Variants in SYCN observed in about 807,000 individuals in gnomAD.
SYCN encodes the protein syncollin.
SYCN carries 16 observed loss-of-function variants against 12.6 expected under a neutral mutation model. The ratio of observed to expected loss-of-function variants is 1.27; its 90% CI spans 0.86 to 1.92. The LOEUF (loss-of-function observed/expected upper bound fraction) is 1.92. Among genes scored for constraint, SYCN ranks in the 30% most tolerant of loss-of-function variants. The pLI is 0.00. For missense variants in SYCN, 226 were observed against 181.8 expected, an observed-to-expected ratio of 1.24 and a Z score of -1.40; for synonymous variants, 97 against 88.4, an observed-to-expected ratio of 1.10 and a Z score of -0.55.
rs1419247210 is a variant in SYCN at position 39,204,040 on chromosome 19, T to A, written c.215A>T (p.Asn72Ile). 1.2e-6 allele frequency: 2 copies of A among 1,612,396 alleles called. No homozygotes were observed. Among genetic ancestry groups the A allele is most frequent in the Non-Finnish European group, 1.7e-6 (2 of 1,179,358 alleles). The change falls in exon 1 of 2, where the codon AAC becomes ATC. Residue 72 changes from asparagine to isoleucine, a missense_variant. Transcript: ENST00000318438. ...AAGTGAGGAGGCGGTGTTGGCCCAG[T>A]TGGAGGGCAGGTAGGGCAGGTCTGC... is the stretch of plus-strand genomic sequence containing the variant. Reference protein sequence around the residue: ...SGADLPYLPSNWANTASSLVV... With the variant: ...SGADLPYLPSIWANTASSLVV...
In SYCN at chr19:39,203,550, G is replaced by A. The variant is rs893198818; in HGVS notation, c.395+310C>T. On this transcript the variant is annotated intron_variant, in intron 1 of 1. Coordinates refer to ENST00000318438, the MANE Select transcript of SYCN (RefSeq NM_001080468.4). ...TACAGCTGTGGGCGGGTGGGTAGGC[G>A]GAAGATTCCAGAAGGTGGAGGGTTG... Among the ~76,000 whole-genome samples, 76 of 152,106 alleles carry A rather than the reference G, an allele frequency of 5.0e-4. No homozygotes were observed. The Middle Eastern group carries it at 0.01, about 20-fold the overall frequency.
chr19:39,203,381 T>C (rs2074796276), intron 1 of SYCN, among the ~76,000 whole-genome samples: 1 of 151,690 alleles, frequency 6.6e-6, no homozygotes, highest in South Asian at 2.1e-4. Flanking sequence ...GTCTGGAGTC[T>C]TGAGGTCTGG....
Position 39,204,220 on chromosome 19 carries a change from G to A in SYCN, c.35C>T (p.Ala12Val). The A allele has an allele frequency of 6.3e-7, 1 of 1,598,970 alleles. No individual in the cohort carries two copies. Among genetic ancestry groups the A allele is most frequent in the Non-Finnish European group, 8.5e-7 (1 of 1,175,018 alleles). The change falls in exon 1 of 2, where the codon GCC becomes GTC. Residue 12 changes from alanine (A) to valine (V), a missense_variant. Ala to Val is a moderately conservative substitution (Grantham distance 64). Coordinates refer to ENST00000318438, the MANE Select transcript of SYCN (RefSeq NM_001080468.4). ...CTGGGCGCAAGGCACGGAGGCAAGG[G>A]CCAGGGCCAGCAGCAGCGGGCGCAG... Reference protein sequence around the residue: ...SPLRPLLLALALASVPCAQGA... With the variant: ...SPLRPLLLALVLASVPCAQGA...
chr19:39,202,945 T>C lies in SYCN; in HGVS notation c.*42A>G, dbSNP rs756172996. Reference sequence around the variant, plus strand: ...CCCAGGGATGGGCTGAGTGAGGGGCTTGGCACTCTGTGGAAGCTGCAGATG... The same window carrying C: ...CCCAGGGATGGGCTGAGTGAGGGGCCTGGCACTCTGTGGAAGCTGCAGATG... On this transcript the variant is annotated 3_prime_UTR_variant, in exon 2 of 2. Coordinates refer to ENST00000318438, the MANE Select transcript of SYCN (RefSeq NM_001080468.4). 7 of 1,574,616 alleles carry C rather than the reference T, an allele frequency of 4.4e-6. No individual in the cohort carries two copies. The South Asian group carries it at 7.0e-5, about 16-fold the overall frequency.
chr19:39,204,213 G>C lies in SYCN; in HGVS notation c.42C>G (p.Ala14=). Residue 14 remains alanine, a synonymous_variant, in exon 1 of 2, where the codon GCC becomes GCG. Transcript: ENST00000318438. ...AGGCGCCCTGGGCGCAAGGCACGGA[G>C]GCAAGGGCCAGGGCCAGCAGCAGCG... ...LRPLLLALAL[A]SVPCAQGACP... The C allele has an allele frequency of 1.2e-6, 2 of 1,606,160 alleles. No homozygotes were observed. The highest frequency in any genetic ancestry group is 1.7e-6 in the Non-Finnish European group (2 of 1,178,110).
Sources: allele counts gnomAD v4.1 joint callset (sites outside exome capture counted in the v4.1 genomes callset), GRCh38; gene constraint gnomAD v4.1.1; transcripts MANE v1.5; gene names NCBI Gene and HGNC (gene_info 2026-07-23, HGNC 2026-07-21).